Variants in SVIL observed in about 807,000 individuals in gnomAD.
SVIL encodes archvillin.
SVIL carries 101 observed loss-of-function variants against 240.4 expected under a neutral mutation model. The observed-to-expected ratio is 0.42, with a 90% CI of 0.36 to 0.50. The LOEUF is 0.50. Ranked by LOEUF, SVIL falls within the 20% of genes least tolerant of loss-of-function variation. SVIL has a pLI of 0.01. For missense variants in SVIL, 2,512 were observed against 2,818.7 expected, an observed-to-expected ratio of 0.89 and a Z score of 2.46; for synonymous variants, 999 against 1,100.0, an observed-to-expected ratio of 0.91 and a Z score of 1.82.
chr10:29,557,013 A>G (rs942217203), intron 3 of SVIL, among the ~76,000 whole-genome samples: 1 of 152,190 alleles, frequency 6.6e-6, no homozygotes, highest in Non-Finnish European at 1.5e-5. Flanking sequence ...ACTGAGAAAT[A>G]GAAAATATTA....
intron 1 of SVIL, among the ~76,000 whole-genome samples, chr10:29,722,222 T>TAAAA (rs367974093): frequency 2.5e-5 from 3 of 117,718 alleles, no homozygotes; most frequent in South Asian, 2.7e-4. Context: ...GACTCTGTCT[T>TAAAA]AAAAAAAAAA....
rs1946892796 is a variant in SVIL at position 29,481,850 on chromosome 10, A to C, written c.4956-122T>G. Reference sequence around the variant, plus strand: ...AAAAAACCTCAAAGTACGTGAGTACATATAAAGTAAATGGTTTATTTTCCT... The same window carrying C: ...AAAAAACCTCAAAGTACGTGAGTACCTATAAAGTAAATGGTTTATTTTCCT... On this transcript the variant is annotated intron_variant, in intron 27 of 37. Transcript: ENST00000355867. 4.7e-6 allele frequency: 4 copies of C among 851,538 alleles called. No individual in the cohort carries two copies. The Admixed American group carries it at 7.3e-5, about 16-fold the overall frequency. 52.7% of individuals were successfully genotyped at this position (851,538 alleles called of 1,614,324 possible). A position where few individuals can be genotyped will look rare whatever the true frequency, so the allele number is the denominator to read the frequency against.
In SVIL at chr10:29,488,748, T is replaced by A; in HGVS notation, c.4201A>T (p.Asn1401Tyr). Residue 1401 changes from asparagine (N) to tyrosine (Y), a missense_variant, in exon 23 of 38, where the codon AAC becomes TAC. Coordinates refer to ENST00000355867, the MANE Select transcript of SVIL (RefSeq NM_021738.3). ...AGGGTGACTTCTGAGAAGTTGGAGT[T>A]GGAAGACACTGGGCACGTTGAATAA... ...KRMKVEKMSS[N>Y]SNFSEVTLAG... 1 of 1,612,220 alleles carries A rather than the reference T, an allele frequency of 6.2e-7. No homozygotes were observed. Among genetic ancestry groups the A allele is most frequent in the Non-Finnish European group, 8.5e-7 (1 of 1,179,408 alleles).
chr10:29,595,990 G>T (rs547886559), intron 1 of SVIL, among the ~76,000 whole-genome samples: 15 of 152,174 alleles, frequency 9.9e-5, no homozygotes, highest in Admixed American at 7.2e-4. Flanking sequence ...TTTCTTTTCT[G>T]CAGTGTGACC....
intron 5 of SVIL, among the ~76,000 whole-genome samples, chr10:29,553,017 C>T (rs539199455): frequency 1.3e-4 from 19 of 151,612 alleles, no homozygotes; most frequent in African/African-American, 3.9e-4. Context: ...GGAGTCTGGC[C>T]GTGTTGTCCA....
rs557040102 is a variant in SVIL, at chr10:29,547,900, G to A, written c.827+2697C>T. ...GTCTGTTAGGTTCTTCATCCTACTTGCAAAACACAGGAAGAACTTCCTTTG... is the reference window on the plus strand; with the variant it reads ...GTCTGTTAGGTTCTTCATCCTACTTACAAAACACAGGAAGAACTTCCTTTG... On this transcript the variant is annotated intron_variant, in intron 6 of 37. Transcript: ENST00000355867. Among the ~76,000 whole-genome samples the A allele has an allele frequency of 5.3e-5, 8 of 152,154 alleles. No individual in the cohort carries two copies. In the East Asian group the frequency reaches 1.5e-3, roughly 29 times the overall value.
At chr10:29,490,332 C>G (rs1465236219) in intron 22 of SVIL, among the ~76,000 whole-genome samples, 1 of 152,066 alleles carries the variant, frequency 6.6e-6, no homozygotes, top group South Asian at 2.1e-4. Flanking sequence ...AGAGATCAAA[C>G]GACTAATAAG....
intron 2 of SVIL, among the ~76,000 whole-genome samples, chr10:29,677,582 C>T (rs1960295208): frequency 6.6e-6 from 1 of 152,094 alleles, no homozygotes; most frequent in African/African-American, 2.4e-5. Context: ...CAGCACTATG[C>T]TCAGCTAATT....
intron 1 of SVIL, among the ~76,000 whole-genome samples, chr10:29,586,127 G>A (rs986914136): frequency 3.9e-5 from 6 of 152,168 alleles, no homozygotes; most frequent in Admixed American, 2.0e-4. Context: ...TTGGGAAAAC[G>A]GTCCCCGTGG....
At chr10:29,623,253 C>T (rs1957733320) in intron 1 of SVIL, among the ~76,000 whole-genome samples, 1 of 152,208 alleles carries the variant, frequency 6.6e-6, no homozygotes, top group Admixed American at 6.5e-5. Context: ...TCCTCTGGTC[C>T]TGTGCTGTCC....
At chr10:29,640,858 A>T (rs1329548860) in intron 3 of SVIL, among the ~76,000 whole-genome samples, 2 of 151,936 alleles carry the variant, frequency 1.3e-5, no homozygotes, top group Non-Finnish European at 2.9e-5. Context: ...CCTCTCCGCC[A>T]CTTCCAGAAT....
At chr10:29,561,144 T>C (rs373581950) in intron 3 of SVIL, among the ~76,000 whole-genome samples, 1 of 152,182 alleles carries the variant, frequency 6.6e-6, no homozygotes, top group East Asian at 1.9e-4. Flanking sequence ...TTTTAAAGCA[T>C]GTTTTAAAGA....
intron 6 of SVIL, chr10:29,545,166 G>A (rs4463752): frequency 0.51 from 257,918 of 508,294 alleles, 67,142 homozygotes; most frequent in African/African-American, 0.69. Context: ...CTCTGGAGAC[G>A]GTTTTTAGAC....
intron 1 of SVIL, among the ~76,000 whole-genome samples, chr10:29,699,886 A>C (rs1317490840): frequency 6.6e-6 from 1 of 152,182 alleles, no homozygotes; most frequent in Non-Finnish European, 1.5e-5. Flanking sequence ...TGGCTACTGA[A>C]CAGTGATTTG....
intron 1 of SVIL, among the ~76,000 whole-genome samples, chr10:29,604,889 A>C (rs1956960900): frequency 6.7e-6 from 1 of 149,212 alleles, no homozygotes; most frequent in African/African-American, 2.5e-5. Context: ...ATTAAACATT[A>C]TCATAGGTTT....
chr10:29,524,389 A>G (rs1225347479), intron 14 of SVIL, 83 bp downstream of exon 14: 3 of 1,575,908 alleles, frequency 1.9e-6, no homozygotes, highest in Non-Finnish European at 2.6e-6. Context: ...CCTTAATTAC[A>G]TCATTGACCT....
At chr10:29,562,019 T>C (rs1345141812) in intron 3 of SVIL, among the ~76,000 whole-genome samples, 4 of 152,236 alleles carry the variant, frequency 2.6e-5, no homozygotes, top group African/African-American at 9.7e-5. Context: ...CCTCAGGATA[T>C]ATTCCAATTC....
chr10:29,493,181 A>G (rs1367556590), intron 21 of SVIL, 33 bp downstream of exon 21: 8 of 1,600,704 alleles, frequency 5.0e-6, no homozygotes, highest in Non-Finnish European at 6.8e-6. Flanking sequence ...AGCCCTTCTC[A>G]GTGGAGGAAA....
intron 6 of SVIL, among the ~76,000 whole-genome samples, chr10:29,547,381 A>G (rs189791137): frequency 6.6e-6 from 1 of 151,838 alleles, no homozygotes; most frequent in Non-Finnish European, 1.5e-5. Flanking sequence ...ATAGAATTGT[A>G]TACCTTTAAT....
Sources: allele counts gnomAD v4.1 joint callset (sites outside exome capture counted in the v4.1 genomes callset), GRCh38; gene constraint gnomAD v4.1.1; transcripts MANE v1.5; gene names NCBI Gene and HGNC (gene_info 2026-07-23, HGNC 2026-07-21).